FRMD3: variants seen among roughly 807,000 people sequenced by gnomAD.
FRMD3 encodes FERM domain-containing protein 3.
Under a neutral mutation model 70.2 loss-of-function variants are expected in FRMD3, and 33 were observed. That is an observed-to-expected ratio of 0.47 (90% CI 0.36 to 0.63). FRMD3 has a LOEUF of 0.63. Ranked by LOEUF, FRMD3 falls within the 20% of genes least tolerant of loss-of-function variation. The pLI, the probability that FRMD3 is intolerant of heterozygous loss-of-function variation, is 0.00. For missense variants in FRMD3, 632 were observed against 711.4 expected (o/e 0.89, Z 1.27); for synonymous variants, 279 against 255.9 (o/e 1.09, Z -0.86).
At chr9:83,362,804 T>G (rs940349549) in intron 3 of FRMD3, among the ~76,000 whole-genome samples, 1 of 64,586 alleles carries the variant, frequency 1.5e-5, no homozygotes, top group Non-Finnish European at 2.9e-5. Flanking sequence ...TCCTTCCTTT[T>G]TCCTTCCTTC....
chr9:83,422,222 C>G (rs1041925531), intron 1 of FRMD3, among the ~76,000 whole-genome samples: 3 of 151,886 alleles, frequency 2.0e-5, no homozygotes, highest in African/African-American at 7.3e-5. Context: ...GAGACTGTCT[C>G]AAAAAAACAA....
rs1832006605 is a variant in FRMD3 at position 83,244,727 on chromosome 9, C to G, written c.*3191G>C. On this transcript the variant is annotated 3_prime_UTR_variant, in exon 14 of 14. Transcript: ENST00000304195. ...CAAATTTCACTATACAAAGGTAAGG[C>G]TCCAATCACAGTAACATGGCCCCCA... 1.0e-6 allele frequency: 1 copy of G among 984,764 alleles called. No individual in the cohort carries two copies. Among genetic ancestry groups the G allele is most frequent in the Admixed American group, 6.2e-5 (1 of 16,260 alleles). 61.0% of individuals were successfully genotyped at this position (984,764 alleles called of 1,614,324 possible). A position where few individuals can be genotyped will look rare whatever the true frequency, so the allele number is the denominator to read the frequency against.
chr9:83,578,022 G>C, the FRMD3 span, among the ~76,000 whole-genome samples: 3 of 151,678 alleles, frequency 2.0e-5, no homozygotes, highest in Non-Finnish European at 4.4e-5. Flanking sequence ...AAATGCAAAG[G>C]ATCAAAGAAA....
Position 83,328,480 on chromosome 9 carries a change from C to CT in FRMD3, c.596+7035dup, listed in dbSNP as rs550132873. On this transcript the variant is annotated intron_variant, in intron 6 of 13. Coordinates refer to ENST00000304195, the MANE Select transcript of FRMD3 (RefSeq NM_174938.6). Reference sequence around the variant, plus strand: ...CTACTGCTTTGGACTCCAAGGATCCCTTAAGCATAGAAATTGGCTGTCAAA... The same window carrying CT: ...CTACTGCTTTGGACTCCAAGGATCCCTTTAAGCATAGAAATTGGCTGTCAAA... Among the ~76,000 whole-genome samples, 52 of 152,292 alleles carry CT rather than the reference C, an allele frequency of 3.4e-4. 1 individual carries two copies. The South Asian group carries it at 0.011, about 31-fold the overall frequency.
intron 1 of FRMD3, among the ~76,000 whole-genome samples, chr9:83,459,879 C>T (rs912593710): frequency 1.5e-4 from 23 of 152,246 alleles, no homozygotes; most frequent in African/African-American, 5.5e-4. Context: ...CCAGGGCCCT[C>T]GGTTGTCTTG....
chr9:83,393,756 T>C (rs1825733780), intron 1 of FRMD3, among the ~76,000 whole-genome samples: 1 of 152,086 alleles, frequency 6.6e-6, no homozygotes, highest in Non-Finnish European at 1.5e-5. Flanking sequence ...GCTCAGGTAG[T>C]ACTGCGAGGG....
intron 3 of FRMD3, among the ~76,000 whole-genome samples, chr9:83,365,644 C>T (rs769165579): frequency 4.6e-5 from 7 of 152,172 alleles, no homozygotes; most frequent in South Asian, 2.1e-4. Flanking sequence ...TCAACACTAC[C>T]GGCTTGGCTG....
chr9:83,255,026 T>C (rs761110438), intron 13 of FRMD3, among the ~76,000 whole-genome samples: 2 of 152,198 alleles, frequency 1.3e-5, no homozygotes, highest in Non-Finnish European at 2.9e-5. Flanking sequence ...ACCTAACTCA[T>C]TTTATGAGGG....
chr9:83,331,867 G>A (rs886747548), intron 6 of FRMD3: 1 of 717,442 alleles, frequency 1.4e-6, no homozygotes, highest in East Asian at 2.7e-5. Flanking sequence ...GAACACCATA[G>A]AATTGCATTT....
chr9:83,450,278 C>A (rs1357583860), intron 1 of FRMD3, among the ~76,000 whole-genome samples: 2 of 151,606 alleles, frequency 1.3e-5, no homozygotes, highest in Admixed American at 6.6e-5. Context: ...CAGCCGCATG[C>A]ACACAAGCCT....
the FRMD3 span, among the ~76,000 whole-genome samples, chr9:83,568,947 GATAGATAGATACATACATAC>G: frequency 9.7e-5 from 10 of 103,198 alleles, no homozygotes; most frequent in East Asian, 6.9e-4. Context: ...TAGATAGATA[GATAGATAGATACATACATAC>G]ATACATACAT....
chr9:83,581,733 T>C, the FRMD3 span, among the ~76,000 whole-genome samples: 2 of 152,222 alleles, frequency 1.3e-5, no homozygotes, highest in African/African-American at 2.4e-5. Context: ...AGCGGATTAA[T>C]GAATAAATAA....
intron 4 of FRMD3, among the ~76,000 whole-genome samples, chr9:83,348,210 G>T (rs1051480080): frequency 6.6e-6 from 1 of 152,086 alleles, no homozygotes; most frequent in Admixed American, 6.5e-5. Flanking sequence ...CCTGAGGGCA[G>T]GAAAAATAGC....
At chr9:83,363,264 A>G (rs1002453888) in intron 3 of FRMD3, among the ~76,000 whole-genome samples, 8 of 152,106 alleles carry the variant, frequency 5.3e-5, no homozygotes, top group African/African-American at 1.9e-4. Context: ...AAAAAATTCT[A>G]TTTTTATATA....
rs539673447 is a variant in FRMD3 at position 83,245,642 on chromosome 9, A to C, written c.*2276T>G. 2,845 of 817,744 alleles carry C rather than the reference A, an allele frequency of 3.5e-3. 9 individuals carry two copies. The highest frequency in any genetic ancestry group is 3.8e-3 in the Non-Finnish European group (2,592 of 677,072). The allele number at this position is 817,744 out of a possible 1,614,324, so 50.7% of individuals were successfully genotyped here. A position where few individuals can be genotyped will look rare whatever the true frequency, so the allele number is the denominator to read the frequency against. On this transcript the variant is annotated 3_prime_UTR_variant, in exon 14 of 14. Coordinates refer to ENST00000304195, the MANE Select transcript of FRMD3 (RefSeq NM_174938.6). ...AGTATTTTACAATGGAAAATATATT[A>C]GTTCCATAATTTAAAAAATATTATA...
chr9:83,507,748 A>C (rs1283519847), intron 1 of FRMD3, among the ~76,000 whole-genome samples: 2 of 114,054 alleles, frequency 1.8e-5, no homozygotes, highest in African/African-American at 6.2e-5. Context: ...ATCTTCTGGA[A>C]TATTTCCTGA....
chr9:83,525,980 C>T (rs1436834960), intron 1 of FRMD3, among the ~76,000 whole-genome samples: 1 of 152,204 alleles, frequency 6.6e-6, no homozygotes, highest in Non-Finnish European at 1.5e-5. Flanking sequence ...ATTAACAACT[C>T]CCTTACTTCT....
intron 1 of FRMD3, among the ~76,000 whole-genome samples, chr9:83,533,440 T>C (rs1382342060): frequency 3.3e-5 from 5 of 152,186 alleles, no homozygotes; most frequent in Non-Finnish European, 7.4e-5. Flanking sequence ...GTAGCATCCA[T>C]CTAACCAAAT....
At chr9:83,342,692 T>TTAGATAGATAGATAGA (rs71498046) in intron 5 of FRMD3, among the ~76,000 whole-genome samples, 31 of 146,998 alleles carry the variant, frequency 2.1e-4, no homozygotes, top group East Asian at 8.1e-4. Context: ...GATGGATAGA[T>TTAGATAGATAGATAGA]TAGATAGATA....
Sources: allele counts gnomAD v4.1 joint callset (sites outside exome capture counted in the v4.1 genomes callset), GRCh38; gene constraint gnomAD v4.1.1; transcripts MANE v1.5; gene names NCBI Gene and HGNC (gene_info 2026-07-23, HGNC 2026-07-21).